The following FAM234B variants were observed in gnomAD, a reference collection of about 807,000 sequenced individuals.
FAM234B encodes the protein protein FAM234B.
A neutral mutation model predicts 69.3 loss-of-function variants in FAM234B; 33 were observed. The observed-to-expected ratio is 0.48, with a 90% CI of 0.36 to 0.64. The LOEUF is 0.64. FAM234B is among the 30% of genes least tolerant of loss of function. FAM234B has a pLI of 0.00. For synonymous variants in FAM234B, 306 were observed against 306.9 expected (o/e 1.00, Z 0.03); for missense variants, 697 against 769.7 (o/e 0.91, Z 1.12).
Position 13,048,262 on chromosome 12 carries a change from G to T in FAM234B, c.37+3822G>T, listed in dbSNP as rs374177131. 1.4e-4 allele frequency among the ~76,000 whole-genome samples: 21 copies of T among 152,302 alleles called. No individual in the cohort carries two copies. In the East Asian group the frequency reaches 4.1e-3, roughly 29 times the overall value. On this transcript the variant is annotated intron_variant, in intron 1 of 12. Coordinates refer to ENST00000197268, the MANE Select transcript of FAM234B (RefSeq NM_020853.2). ...TTTTAATAGTGTATGTTACTATGGA[G>T]AAATCTTTGCCTGATTTTTGTTCCT...
intron 5 of FAM234B, among the ~76,000 whole-genome samples, chr12:13,064,444 CA>C (rs965234230): frequency 7.9e-5 from 12 of 152,294 alleles, no homozygotes; most frequent in Admixed American, 6.5e-4. Flanking sequence ...TTGGTCTAAC[CA>C]TCCCGTCTGG....
rs764469409 is a variant in FAM234B, at chr12:13,067,205, C to G, written c.1051C>G (p.Arg351Gly). ...GGACATTTTTGTTCAGGCCCAAAAT[C>G]GAGACAGCTCACCACCTTCTCTGCA... is the stretch of plus-strand genomic sequence containing the variant. ...LRDIFVQAQN[R>G]DSSPPSLQIE... The change falls in exon 7 of 13, where the codon CGA (arginine) becomes GGA (glycine). Residue 351 changes from arginine (R) to glycine (G), a missense_variant. Arg to Gly is a moderately radical substitution (Grantham distance 125). This residue lies in a region of FAM234B where 380 missense variants were observed against 447.1 expected (regional missense o/e 0.85). Coordinates refer to ENST00000197268, the MANE Select transcript of FAM234B (RefSeq NM_020853.2). This position sits in a 1 kb window ranked among gnomAD's most constrained non-coding sequence, Gnocchi z 4.7. The G allele has an allele frequency of 1.2e-6, 2 of 1,613,904 alleles. No homozygotes were observed. Among genetic ancestry groups the G allele is most frequent in the Non-Finnish European group, 8.5e-7 (1 of 1,179,920 alleles).
chr12:13,068,444 G>A lies in FAM234B; in HGVS notation c.1283G>A (p.Arg428His), dbSNP rs145986630. The A allele has an allele frequency of 3.6e-4, 583 of 1,613,968 alleles. No individual in the cohort carries two copies. The highest frequency in any genetic ancestry group is 4.7e-4 in the Non-Finnish European group (552 of 1,179,988). Reference protein sequence around the residue: ...PYWALRLQGLRSQPTPGYFTD... With the variant: ...PYWALRLQGLHSQPTPGYFTD... ...TGGGCATTGAGACTTCAAGGCCTGC[G>A]CAGGTTTGCATTGTGTTCCTTCTTG... Residue 428 changes from arginine (R) to histidine (H), a missense_variant, in exon 8 of 13, where the codon CGC becomes CAC. This residue lies in a region of FAM234B where 313 missense variants were observed against 305.5 expected (regional missense o/e 1.02). Coordinates refer to ENST00000197268, the MANE Select transcript of FAM234B (RefSeq NM_020853.2).
rs114422436 is a variant in FAM234B at position 13,053,149 on chromosome 12, T to C, written c.38-2402T>C. On this transcript the variant is annotated intron_variant, in intron 1 of 12. Transcript: ENST00000197268. ...CCTTAAAAATCAAGTCTAATATTTA[T>C]TGGGCAAAATGTATAGTTTTGAAAA... Among the ~76,000 whole-genome samples the C allele has an allele frequency of 5.3e-3, 813 of 152,328 alleles. 6 individuals are homozygous for C. Among genetic ancestry groups the C allele is most frequent in the African/African-American group, 0.018 (759 of 41,576 alleles).
At chr12:13,070,051 A>G (rs1414752285) in intron 9 of FAM234B, among the ~76,000 whole-genome samples, 3 of 152,010 alleles carry the variant, frequency 2.0e-5, no homozygotes, top group African/African-American at 4.8e-5. Flanking sequence ...GACCTTGGGC[A>G]TATTACCTAA....
At chr12:13,068,555 A>G in intron 8 of FAM234B, 75 bp from the exon 9 acceptor site, 1 of 1,582,406 alleles carries the variant, frequency 6.3e-7, no homozygotes. Flanking sequence ...CCAGTGCAAG[A>G]GAAGGGAGGG....
intron 3 of FAM234B, 58 bp downstream of exon 3, chr12:13,058,607 A>T: frequency 7.1e-7 from 1 of 1,411,530 alleles, no homozygotes; most frequent in Non-Finnish European, 1.0e-6. Context: ...AGGAGAAAAC[A>T]TCAGAGCTGT....
intron 5 of FAM234B, among the ~76,000 whole-genome samples, chr12:13,064,039 A>G (rs911063633): frequency 6.6e-6 from 1 of 152,192 alleles, no homozygotes; most frequent in Non-Finnish European, 1.5e-5. Flanking sequence ...CTTTCTGCCA[A>G]GAGTCCCCCA....
chr12:13,070,916 G>T (rs1205225621), intron 9 of FAM234B, among the ~76,000 whole-genome samples: 1 of 152,142 alleles, frequency 6.6e-6, no homozygotes, highest in South Asian at 2.1e-4. Context: ...GACAATCCGC[G>T]TGTCCACATC....
At chr12:13,059,155 G>A (rs780772287) in intron 3 of FAM234B, among the ~76,000 whole-genome samples, 1 of 152,174 alleles carries the variant, frequency 6.6e-6, no homozygotes, top group Non-Finnish European at 1.5e-5. Flanking sequence ...AAGAGTGTGA[G>A]GGGAGGTATT....
intron 10 of FAM234B, among the ~76,000 whole-genome samples, chr12:13,075,433 C>CTTTTTTT (rs59012504): frequency 2.4e-4 from 33 of 137,508 alleles, no homozygotes; most frequent in Non-Finnish European, 4.2e-4. Context: ...CTTTTCTTTT[C>CTTTTTTT]TTTTTTTTTT....
chr12:13,049,360 A>G (rs11055215), intron 1 of FAM234B, among the ~76,000 whole-genome samples: 60,761 of 152,094 alleles, frequency 0.4, 14,742 homozygotes, highest in Non-Finnish European at 0.57. Context: ...TTGTATTTTC[A>G]GTAGAGACGG....
chr12:13,049,727 C>G (rs540954974), intron 1 of FAM234B, among the ~76,000 whole-genome samples: 37 of 152,298 alleles, frequency 2.4e-4, no homozygotes, highest in Admixed American at 4.6e-4. Flanking sequence ...TCCTAAATTT[C>G]TCAGACTCCA....
At chr12:13,076,512 G>T (rs372746058) in intron 11 of FAM234B, among the ~76,000 whole-genome samples, 77 of 152,358 alleles carry the variant, frequency 5.1e-4, no homozygotes, top group African/African-American at 1.7e-3. Flanking sequence ...GACCCACTCA[G>T]AGATTAGGAT....
At chr12:13,065,657 A>G (rs1383829619) in intron 5 of FAM234B, among the ~76,000 whole-genome samples, 4 of 152,116 alleles carry the variant, frequency 2.6e-5, no homozygotes, top group African/African-American at 9.7e-5. Context: ...TGAGTTTGTC[A>G]TATGCCATAT....
In FAM234B at chr12:13,076,097, C is replaced by T. The variant is rs1435431400; in HGVS notation, c.1596C>T (p.Ile532=). The T allele has an allele frequency of 6.2e-7, 1 of 1,614,232 alleles. No individual in the cohort carries two copies. Among genetic ancestry groups the T allele is most frequent in the Non-Finnish European group, 8.5e-7 (1 of 1,180,038 alleles). Residue 532 remains isoleucine, a synonymous_variant, in exon 11 of 13, where the codon ATC becomes ATT. Transcript: ENST00000197268. ...TCCTGCATCCTGCGTTCCCCTCCAT[C>T]CTTCTGGATCTGGCCAACACCACCG... ...LYLLHPAFPS[I]LLDLANTTGT...
intron 1 of FAM234B, among the ~76,000 whole-genome samples, chr12:13,045,380 T>C (rs1261812501): frequency 6.6e-6 from 1 of 152,250 alleles, no homozygotes; most frequent in Non-Finnish European, 1.5e-5. Context: ...CATTAAGCTA[T>C]AAACATTTAT....
intron 11 of FAM234B, among the ~76,000 whole-genome samples, chr12:13,079,469 C>A (rs1865199923): frequency 6.6e-6 from 1 of 152,216 alleles, no homozygotes; most frequent in African/African-American, 2.4e-5. Flanking sequence ...TTCTCAGGCT[C>A]CCTAGTGTTT....
intron 9 of FAM234B, 131 bp from the exon 10 acceptor site, chr12:13,071,110 T>C: frequency 1.1e-6 from 1 of 950,566 alleles, no homozygotes; most frequent in Non-Finnish European, 1.6e-6. Flanking sequence ...CCCAGTTTGC[T>C]TGCATCTTAA....
Sources: allele counts gnomAD v4.1 joint callset (sites outside exome capture counted in the v4.1 genomes callset), GRCh38; gene constraint gnomAD v4.1.1; regional missense constraint gnomAD v4.1.1; non-coding constraint Gnocchi (gnomAD v3.1); transcripts MANE v1.5; gene names NCBI Gene and HGNC (gene_info 2026-07-23, HGNC 2026-07-21).